CNGB1: variants seen among roughly 807,000 people sequenced by gnomAD.
CNGB1 encodes the protein cyclic nucleotide gated channel subunit beta 1.
A neutral mutation model predicts 151.7 loss-of-function variants in CNGB1; 126 were observed. The ratio of observed to expected loss-of-function variants is 0.83; its 90% CI spans 0.72 to 0.96. The LOEUF is 0.96. Among genes scored for constraint, CNGB1 ranks in the 40% least tolerant of loss-of-function variants. The pLI is 0.00. For synonymous variants in CNGB1, 623 were observed against 635.1 expected, an observed-to-expected ratio of 0.98 and a Z score of 0.29; for missense variants, 1,698 against 1,627.0, an observed-to-expected ratio of 1.04 and a Z score of -0.75.
At chr16:57,939,060 G>A (rs985771271) in intron 16 of CNGB1, among the ~76,000 whole-genome samples, 2 of 152,188 alleles carry the variant, frequency 1.3e-5, no homozygotes, top group Admixed American at 6.5e-5. Context: ...CTCATTGAGC[G>A]GAAGTGGCAG....
intron 17 of CNGB1, among the ~76,000 whole-genome samples, chr16:57,929,759 G>A (rs1961295249): frequency 6.6e-6 from 1 of 152,220 alleles, no homozygotes; most frequent in South Asian, 2.1e-4. Flanking sequence ...GGGAAAACCA[G>A]TCCCATGATC....
chr16:57,916,194 A>C lies in CNGB1; in HGVS notation c.2167-15T>G, dbSNP rs1960864904. On this transcript the variant is annotated splice_polypyrimidine_tract_variant and intron_variant, in intron 21 of 32. Transcript: ENST00000251102. Reference sequence around the variant, plus strand: ...TTTTTGTCCGTCTGAAAGAAAGGGAATGATGATGGTGAAATGACCTTACAG... The same window carrying C: ...TTTTTGTCCGTCTGAAAGAAAGGGACTGATGATGGTGAAATGACCTTACAG... 1 of 1,611,728 alleles carries C rather than the reference A, an allele frequency of 6.2e-7. No individual in the cohort carries two copies. The highest frequency in any genetic ancestry group is 1.3e-5 in the African/African-American group (1 of 74,998).
At chr16:57,957,912 C>A (rs865782194) in intron 11 of CNGB1, among the ~76,000 whole-genome samples, 1 of 152,060 alleles carries the variant, frequency 6.6e-6, no homozygotes, top group Admixed American at 6.6e-5. Context: ...TAAAGACGTC[C>A]AATTGCACCC....
intron 32 of CNGB1, among the ~76,000 whole-genome samples, chr16:57,885,578 CTTT>C (rs1959903263): frequency 1.6e-5 from 1 of 61,700 alleles, no homozygotes; most frequent in Non-Finnish European, 3.8e-5. Flanking sequence ...CTCTCTCTCT[CTTT>C]CTTTCTTTCT....
intron 14 of CNGB1, among the ~76,000 whole-genome samples, chr16:57,943,289 G>T (rs1961717360): frequency 6.6e-6 from 1 of 152,146 alleles, no homozygotes. Flanking sequence ...TATATGAAAA[G>T]ATGCTTAACA....
Position 57,960,060 on chromosome 16 carries a change from G to A in CNGB1, c.589C>T (p.Pro197Ser). The A allele has an allele frequency of 6.4e-7, 1 of 1,553,118 alleles. No homozygotes were observed. Among genetic ancestry groups the A allele is most frequent in the South Asian group, 1.2e-5 (1 of 85,096 alleles). Residue 197 changes from proline to serine, a missense_variant, in exon 10 of 33, where the codon CCA becomes TCA. Coordinates refer to ENST00000251102, the MANE Select transcript of CNGB1 (RefSeq NM_001297.5). ...GGCCCCATTTCCTGGGGGCGTCCTG[G>A]AGGCGCTAAGCAGCGGGGAAAGCAG... ...ATGAASDPAP[P>S]GRPQEMGPKL...
At position 57,957,369 on chromosome 16, in the gene CNGB1, G is replaced by A. The variant is rs990450064; in HGVS notation, c.846C>T (p.Asp282=). ...TCTGCACATCACATATCCCAGGGGA[G>A]TCAGGCTCCTGCATGGAGAGAGAAA... The part of the protein sequence containing the change: ...LHGKIGEQEP[D]SPGICDVQTI... Residue 282 remains aspartate, a synonymous_variant, in exon 12 of 33, where the codon GAC becomes GAT. Transcript: ENST00000251102. 2 of 1,613,780 alleles carry A rather than the reference G, an allele frequency of 1.2e-6. No individual in the cohort carries two copies. The highest frequency in any genetic ancestry group is 2.2e-5 in the East Asian group (1 of 44,766).
chr16:57,914,969 G>A (rs1960823411), intron 23 of CNGB1, among the ~76,000 whole-genome samples: 1 of 152,168 alleles, frequency 6.6e-6, no homozygotes, highest in African/African-American at 2.4e-5. Context: ...CTCCCTCCTG[G>A]CTGTGTGACT....
chr16:57,921,984 A>G (rs1156877311), intron 18 of CNGB1, among the ~76,000 whole-genome samples: 1 of 152,150 alleles, frequency 6.6e-6, no homozygotes, highest in South Asian at 2.1e-4. Flanking sequence ...AGAGTTTTCA[A>G]GAATAGGTTT....
chr16:57,888,837 G>T (rs891516679), intron 31 of CNGB1, among the ~76,000 whole-genome samples: 1 of 152,102 alleles, frequency 6.6e-6, no homozygotes, highest in Non-Finnish European at 1.5e-5. Context: ...TGCCCAGGTG[G>T]AAAAGGAACC....
chr16:57,901,638 C>G lies in CNGB1; in HGVS notation c.2795-13G>C, dbSNP rs940915867. 6.2e-7 allele frequency: 1 copy of G among 1,612,094 alleles called. No homozygotes were observed. The highest frequency in any genetic ancestry group is 8.5e-7 in the Non-Finnish European group (1 of 1,178,916). ...AGCTCTGACTCATCTGTGAACAAGG[C>G]CTGGCAAGGGTCAGAGGCAAGGCCG... On this transcript the variant is annotated splice_polypyrimidine_tract_variant and intron_variant, in intron 27 of 32. Coordinates refer to ENST00000251102, the MANE Select transcript of CNGB1 (RefSeq NM_001297.5).
At chr16:57,928,161 T>C (rs1433294672) in intron 17 of CNGB1, among the ~76,000 whole-genome samples, 1 of 152,234 alleles carries the variant, frequency 6.6e-6, no homozygotes, top group African/African-American at 2.4e-5. Context: ...CCTCCAGCTG[T>C]ACACACAGCC....
chr16:57,953,493 TAA>T (rs61409577), intron 12 of CNGB1, among the ~76,000 whole-genome samples: 24 of 122,740 alleles, frequency 2.0e-4, no homozygotes, highest in Admixed American at 2.6e-4. Context: ...GGCTCAATCT[TAA>T]AAAAAAAAAA....
In CNGB1 at chr16:57,887,977, C is replaced by A; in HGVS notation, c.3340G>T (p.Ala1114Ser). The change falls in exon 32 of 33, where the codon GCT becomes TCT. Residue 1114 changes from alanine to serine, a missense_variant. Transcript: ENST00000251102. ...GTPKLFNAAL[A>S]MTGKMGGKGA... Reference sequence around the variant, plus strand: ...TTGCCACCCATCTTTCCTGTCATAGCGAGGGCAGCGTTGAAGAGCTTTGGG... The same window carrying A: ...TTGCCACCCATCTTTCCTGTCATAGAGAGGGCAGCGTTGAAGAGCTTTGGG... The A allele has an allele frequency of 6.2e-7, 1 of 1,614,146 alleles. No homozygotes were observed. Among genetic ancestry groups the A allele is most frequent in the Non-Finnish European group, 8.5e-7 (1 of 1,180,042 alleles).
chr16:57,969,653 G>A (rs1173431703), intron 1 of CNGB1, among the ~76,000 whole-genome samples: 5 of 152,154 alleles, frequency 3.3e-5, no homozygotes, highest in Admixed American at 1.3e-4. Context: ...AAAAAAGAAA[G>A]AAAGAAAAAG....
At chr16:57,964,388 C>T (rs1363701079) in intron 3 of CNGB1, 99 bp downstream of exon 3, 1 of 1,492,988 alleles carries the variant, frequency 6.7e-7, no homozygotes, top group African/African-American at 1.4e-5. Context: ...GTTTCCTCAT[C>T]TGTGAAATGG....
At chr16:57,932,029 T>C in intron 16 of CNGB1, 151 bp from the exon 17 acceptor site, 1 of 869,738 alleles carries the variant, frequency 1.1e-6, no homozygotes, top group South Asian at 1.5e-5. Flanking sequence ...AAAAGCTCCA[T>C]GCAGGGGGTA....
chr16:57,912,890 ATG>A, intron 24 of CNGB1, 38 bp downstream of exon 24: 3 of 1,592,222 alleles, frequency 1.9e-6, no homozygotes, highest in Non-Finnish European at 1.7e-6. Context: ...TGTGAGTGTC[ATG>A]TGTGTGTGCA....
intron 29 of CNGB1, among the ~76,000 whole-genome samples, chr16:57,899,328 A>G (rs1307722296): frequency 6.7e-6 from 1 of 150,152 alleles, no homozygotes; most frequent in Non-Finnish European, 1.5e-5. Context: ...TACAGAAAAA[A>G]AAAATAATAA....
Sources: allele counts gnomAD v4.1 joint callset (sites outside exome capture counted in the v4.1 genomes callset), GRCh38; gene constraint gnomAD v4.1.1; transcripts MANE v1.5; gene names NCBI Gene and HGNC (gene_info 2026-07-23, HGNC 2026-07-21).